GSG1L2: variants seen among roughly 807,000 people sequenced by gnomAD.
The protein encoded by GSG1L2 is GSG1 like 2.
A neutral mutation model predicts 9.0 loss-of-function variants in GSG1L2; 15 were observed. That is an observed-to-expected ratio of 1.67 (90% CI 1.12 to 2.57). The LOEUF (loss-of-function observed/expected upper bound fraction) is 2.57. Ranked by LOEUF, GSG1L2 falls within the 30% of genes most tolerant of loss-of-function variation. The pLI is 0.00. For synonymous variants in GSG1L2, 127 were observed against 57.9 expected (o/e 2.19, Z -5.41); for missense variants, 286 against 150.3 (o/e 1.90, Z -4.72).
At chr17:9,805,143 T>C (rs2066512015) in intron 4 of GSG1L2, 1 of 152,074 alleles carries the variant, frequency 6.6e-6, no homozygotes. Context: ...ACCTAATATC[T>C]AACTAACAAG....
intron 1 of GSG1L2, among the ~76,000 whole-genome samples, chr17:9,811,989 A>ACTT (rs1388082170): frequency 6.6e-6 from 1 of 151,846 alleles, no homozygotes; most frequent in African/African-American, 2.4e-5. Flanking sequence ...GTCACTTATC[A>ACTT]CTTATCACTT....
intron 1 of GSG1L2, among the ~76,000 whole-genome samples, chr17:9,816,449 TG>T (rs2066561133): frequency 7.0e-6 from 1 of 142,430 alleles, no homozygotes; most frequent in East Asian, 2.1e-4. Context: ...TGTGTGCGTG[TG>T]TCTGTGTGTG....
rs1338754662 is a variant in GSG1L2 at position 9,802,225 on chromosome 17, A to G, written c.*161T>C. On this transcript the variant is annotated 3_prime_UTR_variant, in exon 5 of 5. Transcript: ENST00000399363. ...GCATTTTAACAGGAATCAAAGGCTA[A>G]AGCCAAAGGTGTTTAGTAAAAGGTG... Among the ~76,000 whole-genome samples, 2 of 152,248 alleles carry G rather than the reference A, an allele frequency of 1.3e-5. No individual in the cohort carries two copies. The highest frequency in any genetic ancestry group is 2.9e-5 in the Non-Finnish European group (2 of 68,048).
intron 1 of GSG1L2, among the ~76,000 whole-genome samples, chr17:9,815,009 G>A (rs1000152975): frequency 3.9e-4 from 59 of 152,250 alleles, no homozygotes; most frequent in Admixed American, 1.0e-3. Flanking sequence ...GATCAAAGAT[G>A]TGGGTTCCCT....
intron 1 of GSG1L2, 171 bp from the exon 2 acceptor site, chr17:9,810,789 T>C (rs1049768352): frequency 2.3e-5 from 14 of 607,644 alleles, no homozygotes; most frequent in African/African-American, 1.8e-4. Flanking sequence ...ATCCACCCTA[T>C]TGGACTCTGG....
At chr17:9,816,564 A>G (rs1038342165) in intron 1 of GSG1L2, among the ~76,000 whole-genome samples, 1 of 88,708 alleles carries the variant, frequency 1.1e-5, no homozygotes. Context: ...GTGTGCATGC[A>G]TATCTGTGTC....
chr17:9,809,186 C>T (rs960839746), intron 2 of GSG1L2: 15 of 505,004 alleles, frequency 3.0e-5, no homozygotes, highest in African/African-American at 2.4e-4. Flanking sequence ...AGGGATTGCC[C>T]GTAGCTGAAC....
At chr17:9,817,089 T>TACACACACAC (rs60991634) in intron 1 of GSG1L2, among the ~76,000 whole-genome samples, 1 of 151,494 alleles carries the variant, frequency 6.6e-6, no homozygotes, top group Non-Finnish European at 1.5e-5. Flanking sequence ...CACGCTGAGT[T>TACACACACAC]ACACACACAC....
chr17:9,810,739 C>T (rs2066535910), intron 1 of GSG1L2, 121 bp from the exon 2 acceptor site: 4 of 667,924 alleles, frequency 6.0e-6, no homozygotes, highest in Non-Finnish European at 1.1e-5. Context: ...CTTTACTGCT[C>T]AGGGACATGA....
chr17:9,816,683 GTGTC>G (rs1385371893), intron 1 of GSG1L2, among the ~76,000 whole-genome samples: 18 of 148,160 alleles, frequency 1.2e-4, no homozygotes, highest in Admixed American at 2.7e-4. Context: ...CTGTGTGTGT[GTGTC>G]TGTGTATGTG....
rs1484667343 is a variant in GSG1L2, at chr17:9,801,077, A to G, written c.*1309T>C. 2.0e-5 allele frequency among the ~76,000 whole-genome samples: 3 copies of G among 152,122 alleles called. No homozygotes were observed. Among genetic ancestry groups the G allele is most frequent in the Admixed American group, 6.6e-5 (1 of 15,254 alleles). On this transcript the variant is annotated 3_prime_UTR_variant, in exon 5 of 5. Coordinates refer to ENST00000399363, the MANE Select transcript of GSG1L2 (RefSeq NM_001310219.2). ...GACAGTATAAGTGTTACAGTTCAGC[A>G]TAAACAGATTTTTATTGGATTTTTT...
At chr17:9,804,244 T>C (rs1048655741) in intron 4 of GSG1L2, 6 of 152,264 alleles carry the variant, frequency 3.9e-5, no homozygotes, top group Admixed American at 3.3e-4. Flanking sequence ...ATATCAGCAC[T>C]GCTGAATCCT....
In GSG1L2 at chr17:9,810,605, C is replaced by A. The variant is rs1457589378; in HGVS notation, c.324G>T (p.Arg108Ser). 1.1e-5 allele frequency: 8 copies of A among 702,896 alleles called. No individual in the cohort carries two copies. The Admixed American group carries it at 1.6e-4, about 14-fold the overall frequency. The allele number at this position is 702,896 out of a possible 1,614,324, so 43.5% of individuals were successfully genotyped here. Reference protein sequence around the residue: ...ESLNGEDEKCRSFRSVVPAEE... With the variant: ...ESLNGEDEKCSSFRSVVPAEE... Reference sequence around the variant, plus strand: ...CAGCTGGCACTACACTCCGGAAACTCCTACACTTTTCATCTGAAAGATAAA... The same window carrying A: ...CAGCTGGCACTACACTCCGGAAACTACTACACTTTTCATCTGAAAGATAAA... The change falls in exon 2 of 5, where the codon AGG (arginine) becomes AGT (serine). Residue 108 changes from arginine to serine, a missense_variant. By Grantham distance (110) the Arg-to-Ser change is moderately radical. Coordinates refer to ENST00000399363, the MANE Select transcript of GSG1L2 (RefSeq NM_001310219.2).
rs9908677 is a variant in GSG1L2 at position 9,808,938 on chromosome 17, G to C, written c.403C>G (p.Leu135Val). The change falls in exon 3 of 5, where the codon CTG becomes GTG. Residue 135 changes from leucine to valine, a missense_variant. By Grantham distance (32) the Leu-to-Val change is conservative. Transcript: ENST00000399363. Reference sequence around the variant, plus strand: ...AGGAGGATGGCGCTTGTCAGTATCAGAACGATATCCAGGACCTCGCCCCCG... The same window carrying C: ...AGGAGGATGGCGCTTGTCAGTATCACAACGATATCCAGGACCTCGCCCCCG... ...SIGGEVLDIV[L>V]ILTSAILLGS... 1.1e-5 allele frequency: 8 copies of C among 702,746 alleles called. No homozygotes were observed. The highest frequency in any genetic ancestry group is 1.0e-4 in the South Asian group (7 of 67,588). The allele number at this position is 702,746 out of a possible 1,614,324, so 43.5% of individuals were successfully genotyped here.
At chr17:9,804,989 A>T (rs1242757447) in intron 4 of GSG1L2, 1 of 152,204 alleles carries the variant, frequency 6.6e-6, no homozygotes, top group Admixed American at 6.5e-5. Flanking sequence ...AACAAGGAAG[A>T]GCTTGGAAAA....
rs2066586935 is a variant in GSG1L2, at chr17:9,820,914, C to T, written c.310+848G>A. Among the ~76,000 whole-genome samples the T allele has an allele frequency of 6.6e-6, 1 of 152,190 alleles. No homozygotes were observed. Among genetic ancestry groups the T allele is most frequent in the African/African-American group, 2.4e-5 (1 of 41,444 alleles). On this transcript the variant is annotated intron_variant, in intron 1 of 4. Coordinates refer to ENST00000399363, the MANE Select transcript of GSG1L2 (RefSeq NM_001310219.2). This position sits in a 1 kb window ranked among gnomAD's most constrained non-coding sequence, Gnocchi z 4.9. Reference sequence around the variant, plus strand: ...CTGGTCTCAAGTGATTCTCCTGTCTCAGCTTCCCAAAGTGCTAGGATTATA... The same window carrying T: ...CTGGTCTCAAGTGATTCTCCTGTCTTAGCTTCCCAAAGTGCTAGGATTATA...
rs1433539529 is a variant in GSG1L2, at chr17:9,807,582, G to A, written c.531C>T (p.Ala177=). ...MVLAGLLGMV[A]HMMYTTIFQI... ...GAAAAATGGTTGTGTACATCATGTGGGCCACCATGCCTAGAAGCCCTGCGC... is the reference window on the plus strand; with the variant it reads ...GAAAAATGGTTGTGTACATCATGTGAGCCACCATGCCTAGAAGCCCTGCGC... Residue 177 remains alanine, a synonymous_variant, in exon 4 of 5, where the codon GCC becomes GCT. Transcript: ENST00000399363. The A allele has an allele frequency of 8.5e-6, 6 of 703,174 alleles. No individual in the cohort carries two copies. In the South Asian group the frequency reaches 8.9e-5, roughly 10 times the overall value. 43.6% of individuals were successfully genotyped at this position (703,174 alleles called of 1,614,324 possible). A position where few individuals can be genotyped will look rare whatever the true frequency, so the allele number is the denominator to read the frequency against.
rs547434080 is a variant in GSG1L2, at chr17:9,820,252, C to T, written c.310+1510G>A. ...TAACTGGTGTGACGCCTATATAGAG[C>T]TGTGGAAACAGAAGTACTATAGGCA... On this transcript the variant is annotated intron_variant, in intron 1 of 4. Transcript: ENST00000399363. This position sits in a 1 kb window ranked among gnomAD's most constrained non-coding sequence, Gnocchi z 4.9. 6.6e-6 allele frequency among the ~76,000 whole-genome samples: 1 copy of T among 152,288 alleles called. No homozygotes were observed. Among genetic ancestry groups the T allele is most frequent in the South Asian group, 2.1e-4 (1 of 4,824 alleles).
At chr17:9,815,392 G>A (rs936069510) in intron 1 of GSG1L2, among the ~76,000 whole-genome samples, 1 of 152,156 alleles carries the variant, frequency 6.6e-6, no homozygotes, top group African/African-American at 2.4e-5. Context: ...CTTCTCGTCT[G>A]TAAAATGTCT....
Sources: allele counts gnomAD v4.1 joint callset (sites outside exome capture counted in the v4.1 genomes callset), GRCh38; gene constraint gnomAD v4.1.1; non-coding constraint Gnocchi (gnomAD v3.1); transcripts MANE v1.5; gene names NCBI Gene and HGNC (gene_info 2026-07-23, HGNC 2026-07-21).